SHISAL2A: variants seen among roughly 807,000 people sequenced by gnomAD.
SHISAL2A encodes the protein protein shisa-like-2A.
Under a neutral mutation model 11.5 loss-of-function variants are expected in SHISAL2A, and 18 were observed. The observed-to-expected ratio is 1.57, with a 90% CI of 1.08 to 2.33. The LOEUF (loss-of-function observed/expected upper bound fraction) is 2.33. SHISAL2A is among the 30% of genes most tolerant of loss of function. The pLI, the probability that SHISAL2A is intolerant of heterozygous loss-of-function variation, is 0.00. For synonymous variants in SHISAL2A, 94 were observed against 99.6 expected, an observed-to-expected ratio of 0.94 and a Z score of 0.34; for missense variants, 261 against 250.9, an observed-to-expected ratio of 1.04 and a Z score of -0.27.
Position 52,633,637 on chromosome 1 carries a change from C to G in SHISAL2A, c.144C>G (p.Ser48Arg). 1 of 1,613,236 alleles carries G rather than the reference C, an allele frequency of 6.2e-7. No individual in the cohort carries two copies. Among genetic ancestry groups the G allele is most frequent in the Non-Finnish European group, 8.5e-7 (1 of 1,179,580 alleles). ...AGTACTGCTGCGACGACCCGCACAGCTTCTTCCCCTACGAGCACAGCTACA... is the reference window on the plus strand; with the variant it reads ...AGTACTGCTGCGACGACCCGCACAGGTTCTTCCCCTACGAGCACAGCTACA... ...DHKYCCDDPH[S>R]FFPYEHSYMW... Residue 48 changes from serine (S) to arginine (R), a missense_variant, in exon 1 of 3, where the codon AGC becomes AGG. Transcript: ENST00000517870. The surrounding 1 kb of genome is among the most constrained non-coding windows in gnomAD (Gnocchi z 6.4).
chr1:52,635,197 A>G (rs1398823183), intron 1 of SHISAL2A, among the ~76,000 whole-genome samples: 1 of 152,216 alleles, frequency 6.6e-6, no homozygotes, highest in Non-Finnish European at 1.5e-5. Flanking sequence ...TTATTTAGAG[A>G]TACAATGGTA....
intron 1 of SHISAL2A, among the ~76,000 whole-genome samples, chr1:52,635,316 C>T (rs763468953): frequency 2.1e-4 from 32 of 152,138 alleles, no homozygotes; most frequent in Non-Finnish European, 4.3e-4. Flanking sequence ...AACCAAGTGG[C>T]AAAATAGGAC....
intron 1 of SHISAL2A, among the ~76,000 whole-genome samples, chr1:52,634,180 C>T (rs1029380158): frequency 6.6e-6 from 1 of 152,174 alleles, no homozygotes; most frequent in Non-Finnish European, 1.5e-5. Context: ...CCTGCAGTCC[C>T]ACCTCAGCTC....
At chr1:52,644,743 T>C (rs1293398827) in intron 2 of SHISAL2A, among the ~76,000 whole-genome samples, 3 of 146,546 alleles carry the variant, frequency 2.0e-5, no homozygotes, top group African/African-American at 5.1e-5. Context: ...TGGGGCCGGG[T>C]GCAGTGGCTC....
chr1:52,651,984 G>A (rs1691659112), intron 2 of SHISAL2A, among the ~76,000 whole-genome samples: 1 of 152,200 alleles, frequency 6.6e-6, no homozygotes, highest in Non-Finnish European at 1.5e-5. Context: ...TCAGAATGAG[G>A]ACTTGAGCCA....
chr1:52,640,741 G>A (rs890687705), intron 1 of SHISAL2A, among the ~76,000 whole-genome samples: 2 of 152,232 alleles, frequency 1.3e-5, no homozygotes, highest in South Asian at 2.1e-4. Flanking sequence ...TCTGAACCCC[G>A]AGTTCCTGAC....
At chr1:52,639,500 T>A (rs1691310954) in intron 1 of SHISAL2A, among the ~76,000 whole-genome samples, 1 of 152,164 alleles carries the variant, frequency 6.6e-6, no homozygotes, top group South Asian at 2.1e-4. Context: ...ACGCCTGTAA[T>A]CCCAGCACTT....
intron 4 of SHISAL2A, among the ~76,000 whole-genome samples, chr1:52,665,914 C>G (rs1176980839): frequency 1.3e-5 from 2 of 152,312 alleles, no homozygotes; most frequent in African/African-American, 4.8e-5. Flanking sequence ...TAAAATGTAG[C>G]AGCGTGTGCA....
chr1:52,653,596 G>A (rs1691722292), intron 2 of SHISAL2A, among the ~76,000 whole-genome samples: 1 of 151,940 alleles, frequency 6.6e-6, no homozygotes, highest in Non-Finnish European at 1.5e-5. Context: ...GGCAACAGAG[G>A]GAGACCCCTG....
chr1:52,662,818 C>A (rs1021166701), intron 4 of SHISAL2A, among the ~76,000 whole-genome samples: 1 of 152,122 alleles, frequency 6.6e-6, no homozygotes, highest in African/African-American at 2.4e-5. Flanking sequence ...ATAATTCCTG[C>A]CCTCAGGGAA....
At chr1:52,657,582 C>T (rs977403922), downstream of SHISAL2A, among the ~76,000 whole-genome samples, 7 of 152,056 alleles carry the variant, frequency 4.6e-5, no homozygotes, top group South Asian at 4.2e-4. Flanking sequence ...GGGCAGGGCG[C>T]GGCAGTTCAC....
At chr1:52,659,237 A>T (rs1370029368), downstream of SHISAL2A, among the ~76,000 whole-genome samples, 1 of 151,754 alleles carries the variant, frequency 6.6e-6, no homozygotes, top group Non-Finnish European at 1.5e-5. Context: ...GCTAATTTTT[A>T]AATTTTTTTT....
At chr1:52,667,842 G>C (rs927488905) in intron 5 of SHISAL2A, among the ~76,000 whole-genome samples, 1 of 152,138 alleles carries the variant, frequency 6.6e-6, no homozygotes, top group African/African-American at 2.4e-5. Context: ...GGAAAGTTGA[G>C]TTCTAGAGAG....
At chr1:52,650,825 A>G (rs1691623874) in intron 2 of SHISAL2A, among the ~76,000 whole-genome samples, 1 of 151,470 alleles carries the variant, frequency 6.6e-6, no homozygotes, top group Non-Finnish European at 1.5e-5. Context: ...TTGTATTTTT[A>G]ATAGAAACGG....
intron 2 of SHISAL2A, among the ~76,000 whole-genome samples, chr1:52,653,037 A>C (rs1018745608): frequency 1.3e-5 from 2 of 149,998 alleles, no homozygotes; most frequent in Non-Finnish European, 3.0e-5. Context: ...TAAAGTCAAA[A>C]CCAAACATCA....
intron 1 of SHISAL2A, among the ~76,000 whole-genome samples, chr1:52,636,787 C>T (rs1466440318): frequency 6.6e-6 from 1 of 152,192 alleles, no homozygotes; most frequent in Admixed American, 6.5e-5. Context: ...GAGGCAGTGG[C>T]AGAGCTGGGT....
At chr1:52,643,095 C>T in intron 2 of SHISAL2A, 93 bp downstream of exon 2, 3 of 1,295,270 alleles carry the variant, frequency 2.3e-6, no homozygotes, top group Non-Finnish European at 1.1e-6. Context: ...GAACATTTGC[C>T]TCATGACTAT....
At chr1:52,667,293 C>A (rs901722542) in intron 4 of SHISAL2A, 1 of 456,420 alleles carries the variant, frequency 2.2e-6, no homozygotes, top group Non-Finnish European at 2.9e-6. Context: ...TTAGTCAGCA[C>A]GAGTTCATTC....
intron 2 of SHISAL2A, among the ~76,000 whole-genome samples, chr1:52,644,203 A>G (rs974579193): frequency 6.6e-6 from 1 of 152,220 alleles, no homozygotes; most frequent in African/African-American, 2.4e-5. Context: ...TACAAAGTGT[A>G]GGGAAGATTT....
Sources: gnomAD v4.1 joint callset for allele counts (sites outside exome capture counted in the v4.1 genomes callset) on GRCh38, gnomAD v4.1.1 for gene constraint, Gnocchi (gnomAD v3.1) non-coding constraint, MANE v1.5 for transcripts, NCBI Gene and HGNC (gene_info 2026-07-23, HGNC 2026-07-21) for gene names.